Variants in GLRA3 observed in about 807,000 individuals in gnomAD.
GLRA3 encodes the protein glycine receptor alpha 3.
Under a neutral mutation model 60.4 loss-of-function variants are expected in GLRA3, and 44 were observed. That is an observed-to-expected ratio of 0.73 (90% CI 0.57 to 0.94). The LOEUF (loss-of-function observed/expected upper bound fraction) is 0.94, where lower values mean the gene tolerates loss of function less well. GLRA3 is among the 40% of genes least tolerant of loss of function. The pLI, the probability that GLRA3 is intolerant of heterozygous loss-of-function variation, is 0.00. For missense variants in GLRA3, 508 were observed against 564.6 expected (o/e 0.90, Z 1.02); for synonymous variants, 223 against 192.9 (o/e 1.16, Z -1.29).
At chr4:174,764,716 T>C (rs1347603595) in intron 3 of GLRA3, among the ~76,000 whole-genome samples, 1 of 151,222 alleles carries the variant, frequency 6.6e-6, no homozygotes, top group Non-Finnish European at 1.5e-5. Flanking sequence ...TAGTGGACCC[T>C]GTGAATAAAA....
intron 4 of GLRA3, among the ~76,000 whole-genome samples, chr4:174,718,247 C>T (rs1183681241): frequency 2.0e-5 from 3 of 152,120 alleles, no homozygotes; most frequent in African/African-American, 7.2e-5. Context: ...CAAAACACTA[C>T]ATATAAATTA....
intron 2 of GLRA3, among the ~76,000 whole-genome samples, chr4:174,769,641 T>C (rs6858127): frequency 0.75 from 113,587 of 152,020 alleles, 42,813 homozygotes; most frequent in East Asian, 1. Flanking sequence ...CTCCCAATCA[T>C]GCTAGGAATT....
At chr4:174,767,382 T>G (rs1205855442) in intron 2 of GLRA3, among the ~76,000 whole-genome samples, 4 of 152,240 alleles carry the variant, frequency 2.6e-5, no homozygotes, top group Admixed American at 6.5e-5. Flanking sequence ...GCTATACTTT[T>G]CTATTTCTTT....
intron 5 of GLRA3, 71 bp downstream of exon 5, chr4:174,715,417 A>G: frequency 1.3e-6 from 1 of 755,828 alleles, no homozygotes. Context: ...TAAATTATCC[A>G]TATTAGGCAT....
At chr4:174,760,828 A>C (rs1327917169) in intron 3 of GLRA3, among the ~76,000 whole-genome samples, 1 of 152,206 alleles carries the variant, frequency 6.6e-6, no homozygotes, top group Non-Finnish European at 1.5e-5. Flanking sequence ...AACAACCTAC[A>C]TGTCTAGCAA....
In GLRA3 at chr4:174,659,108, A is replaced by G. The variant is rs1328625438; in HGVS notation, c.1017T>C (p.Phe339=). 6.2e-7 allele frequency: 1 copy of G among 1,613,042 alleles called. No homozygotes were observed. Among genetic ancestry groups the G allele is most frequent in the African/African-American group, 1.3e-5 (1 of 75,034 alleles). The change falls in exon 8 of 10, where the codon TTT becomes TTC. Residue 339 remains phenylalanine, a synonymous_variant. Transcript: ENST00000274093. ...GAAGTTCTTTGTGTTGTCTTGATAC[A>G]AAATTTACAGCTGCATACTCCAGAA... is the stretch of plus-strand genomic sequence containing the variant. ...SALLEYAAVN[F]VSRQHKELLR...
At chr4:174,683,853 T>A (rs1166818475) in intron 5 of GLRA3, among the ~76,000 whole-genome samples, 1 of 152,302 alleles carries the variant, frequency 6.6e-6, no homozygotes, top group African/African-American at 2.4e-5. Flanking sequence ...AAATAGAAAT[T>A]GATTTTTTCG....
intron 7 of GLRA3, among the ~76,000 whole-genome samples, chr4:174,659,691 G>A (rs1733361756): frequency 6.6e-6 from 1 of 152,012 alleles, no homozygotes; most frequent in Non-Finnish European, 1.5e-5. Flanking sequence ...GTGCAAAGAG[G>A]TCAGGCTCAG....
chr4:174,807,636 G>A (rs942670365), intron 1 of GLRA3, among the ~76,000 whole-genome samples: 1 of 152,060 alleles, frequency 6.6e-6, no homozygotes, highest in Non-Finnish European at 1.5e-5. Context: ...GATTCTGAAA[G>A]ATTTCCTGAA....
intron 1 of GLRA3, among the ~76,000 whole-genome samples, chr4:174,797,667 G>A (rs1739624499): frequency 6.6e-6 from 1 of 152,070 alleles, no homozygotes; most frequent in South Asian, 2.1e-4. Flanking sequence ...GGGTGCATTG[G>A]CTCACACCTG....
At chr4:174,818,513 C>T (rs1293064981) in intron 1 of GLRA3, among the ~76,000 whole-genome samples, 1 of 152,166 alleles carries the variant, frequency 6.6e-6, no homozygotes, top group Non-Finnish European at 1.5e-5. Context: ...ACTATAGTCT[C>T]AGGAGGCACC....
rs969704393 is a variant in GLRA3, at chr4:174,791,743, A to G, written c.72-2800T>C. The stretch of plus-strand genomic sequence containing the variant: ...TGCATTTTTCCTGTGTTTGGTCCAT[A>G]TATTTTCGTTTCTTTGAGAAACTTG... On this transcript the variant is annotated intron_variant, in intron 1 of 9. Coordinates refer to ENST00000274093, the MANE Select transcript of GLRA3 (RefSeq NM_006529.4). Among the ~76,000 whole-genome samples, 8 of 152,064 alleles carry G rather than the reference A, an allele frequency of 5.3e-5. 1 individual carries two copies. The South Asian group carries it at 1.0e-3, about 20-fold the overall frequency.
At chr4:174,823,530 A>G (rs893256457) in intron 1 of GLRA3, among the ~76,000 whole-genome samples, 6 of 152,140 alleles carry the variant, frequency 3.9e-5, no homozygotes, top group African/African-American at 1.4e-4. Flanking sequence ...GTCTCAAAAA[A>G]AGAAAAAAAA....
chr4:174,784,555 T>C (rs1044000990), intron 2 of GLRA3, among the ~76,000 whole-genome samples: 1 of 151,532 alleles, frequency 6.6e-6, no homozygotes, highest in African/African-American at 2.4e-5. Context: ...TTCTTACCAA[T>C]GACCTGTGCC....
At chr4:174,688,826 G>A (rs1025100285) in intron 5 of GLRA3, among the ~76,000 whole-genome samples, 2 of 152,070 alleles carry the variant, frequency 1.3e-5, no homozygotes, top group African/African-American at 4.8e-5. Context: ...ACATCAGAGA[G>A]GGAATATGTA....
At chr4:174,683,780 T>C (rs1327459607) in intron 5 of GLRA3, among the ~76,000 whole-genome samples, 1 of 152,230 alleles carries the variant, frequency 6.6e-6, no homozygotes, top group African/African-American at 2.4e-5. Flanking sequence ...TGCATGTAGA[T>C]AGCATTTATT....
chr4:174,758,489 A>C (rs1304156692), intron 3 of GLRA3, among the ~76,000 whole-genome samples: 2 of 152,178 alleles, frequency 1.3e-5, no homozygotes, highest in African/African-American at 4.8e-5. Flanking sequence ...TTGAGGTTAT[A>C]AAAATAATGT....
intron 5 of GLRA3, among the ~76,000 whole-genome samples, chr4:174,693,025 T>C (rs1734919761): frequency 1.3e-5 from 2 of 152,146 alleles, no homozygotes; most frequent in Non-Finnish European, 2.9e-5. Flanking sequence ...TTATTGTAAA[T>C]TTGTTCAAAT....
intron 4 of GLRA3, among the ~76,000 whole-genome samples, chr4:174,719,109 G>A (rs868523903): frequency 2.0e-5 from 3 of 151,510 alleles, no homozygotes; most frequent in Non-Finnish European, 4.4e-5. Flanking sequence ...GACTACAGGC[G>A]CCCGCCACCT....
Sources: allele counts gnomAD v4.1 joint callset (sites outside exome capture counted in the v4.1 genomes callset), GRCh38; gene constraint gnomAD v4.1.1; transcripts MANE v1.5; gene names NCBI Gene and HGNC (gene_info 2026-07-23, HGNC 2026-07-21).